Variants in DPYD observed in about 807,000 individuals in gnomAD.
The protein encoded by DPYD is dihydropyrimidine dehydrogenase [NADP(+)].
Under a neutral mutation model 116.2 loss-of-function variants are expected in DPYD, and 109 were observed. The observed-to-expected ratio is 0.94, with a 90% CI of 0.80 to 1.10. The LOEUF is 1.10. Ranked by LOEUF, DPYD falls within the 50% of genes least tolerant of loss-of-function variation. The pLI is 0.00. For missense variants in DPYD, 1,302 were observed against 1,254.5 expected (o/e 1.04, Z -0.57); for synonymous variants, 440 against 432.0 (o/e 1.02, Z -0.23).
At chr1:97,806,946 A>G (rs1668104534) in intron 3 of DPYD, among the ~76,000 whole-genome samples, 1 of 151,956 alleles carries the variant, frequency 6.6e-6, no homozygotes, top group African/African-American at 2.4e-5. Flanking sequence ...TCTTTCATTT[A>G]GTAATAAGCA....
At chr1:97,080,482 T>C (rs1048790694) in intron 22 of DPYD, among the ~76,000 whole-genome samples, 7 of 152,122 alleles carry the variant, frequency 4.6e-5, no homozygotes, top group African/African-American at 1.7e-4. Flanking sequence ...TAAATCATGA[T>C]AGTTGCTTAA....
At chr1:97,294,557 C>T (rs764231943) in intron 18 of DPYD, among the ~76,000 whole-genome samples, 15 of 151,976 alleles carry the variant, frequency 9.9e-5, no homozygotes, top group Non-Finnish European at 1.6e-4. Context: ...TGAATCTGTT[C>T]GAAAAGAAGG....
intron 13 of DPYD, among the ~76,000 whole-genome samples, chr1:97,452,400 A>C (rs1676466842): frequency 6.6e-6 from 1 of 152,294 alleles, no homozygotes; most frequent in African/African-American, 2.4e-5. Flanking sequence ...AAAATAAAGT[A>C]CTGTATCTTC....
intron 16 of DPYD, among the ~76,000 whole-genome samples, chr1:97,370,562 T>G (rs2101496018): frequency 6.6e-6 from 1 of 152,330 alleles, no homozygotes; most frequent in South Asian, 2.1e-4. Context: ...TCAGCTCATG[T>G]ATCCCAGAAC....
At chr1:97,319,369 A>C (rs1668087566) in intron 16 of DPYD, among the ~76,000 whole-genome samples, 1 of 141,642 alleles carries the variant, frequency 7.1e-6, no homozygotes, top group African/African-American at 2.6e-5. Flanking sequence ...AGAAGAATCA[A>C]ATAGACACAA....
intron 14 of DPYD, among the ~76,000 whole-genome samples, chr1:97,423,135 T>C (rs1288172171): frequency 6.6e-6 from 1 of 151,910 alleles, no homozygotes; most frequent in East Asian, 1.9e-4. Context: ...AGTAGCCACA[T>C]AAAAATGTTG....
chr1:97,529,708 C>A (rs1381081205), intron 12 of DPYD, among the ~76,000 whole-genome samples: 2 of 144,884 alleles, frequency 1.4e-5, no homozygotes, highest in Non-Finnish European at 3.1e-5. Flanking sequence ...TTTCTTTTTT[C>A]TTTCTTCCTT....
At chr1:97,735,566 T>C (rs539906645) in intron 4 of DPYD, among the ~76,000 whole-genome samples, 7 of 149,588 alleles carry the variant, frequency 4.7e-5, no homozygotes, top group Admixed American at 4.0e-4. Context: ...CGGGTGCCTG[T>C]AGTCCCAGGT....
intron 5 of DPYD, among the ~76,000 whole-genome samples, chr1:97,702,104 C>A (rs1661631354): frequency 1.3e-5 from 2 of 151,318 alleles, no homozygotes; most frequent in African/African-American, 4.8e-5. Flanking sequence ...TCTTTTATTC[C>A]TTTCTAAGCA....
At position 97,555,082 on chromosome 1, in the gene DPYD, G is replaced by A. The variant is rs536276102; in HGVS notation, c.1340-5338C>T. ...CCTTGAATGAAAGTATGGTCTCCAC[G>A]GTCACCAAATTCTGTGACCTTAGTC... is the stretch of plus-strand genomic sequence containing the variant. On this transcript the variant is annotated intron_variant, in intron 11 of 22. Coordinates refer to ENST00000370192, the MANE Select transcript of DPYD (RefSeq NM_000110.4). 3.5e-3 allele frequency among the ~76,000 whole-genome samples: 527 copies of A among 152,080 alleles called. 2 individuals are homozygous for A. The highest frequency in any genetic ancestry group is 3.7e-3 in the African/African-American group (154 of 41,490).
intron 1 of DPYD, among the ~76,000 whole-genome samples, chr1:97,907,047 A>C (rs1673665936): frequency 6.6e-6 from 1 of 152,108 alleles, no homozygotes; most frequent in Non-Finnish European, 1.5e-5. Flanking sequence ...ACTAGCAGGC[A>C]GGGAGCTTAG....
chr1:97,507,366 C>G (rs1230862160), intron 13 of DPYD, among the ~76,000 whole-genome samples: 1 of 151,752 alleles, frequency 6.6e-6, no homozygotes. Context: ...CAATACTATG[C>G]AATAAATAGA....
intron 14 of DPYD, among the ~76,000 whole-genome samples, chr1:97,383,215 G>A (rs187211657): frequency 7.2e-5 from 11 of 152,156 alleles, no homozygotes; most frequent in Non-Finnish European, 1.5e-5. Flanking sequence ...GGTGGCTCAC[G>A]CTTGTAATCC....
intron 14 of DPYD, among the ~76,000 whole-genome samples, chr1:97,445,827 G>T (rs575251690): frequency 6.6e-6 from 1 of 150,802 alleles, no homozygotes; most frequent in Non-Finnish European, 1.5e-5. Context: ...CTGGGTTCAA[G>T]CAGTTCTCCT....
At chr1:97,584,688 C>T (rs1432912839) in intron 10 of DPYD, among the ~76,000 whole-genome samples, 5 of 150,810 alleles carry the variant, frequency 3.3e-5, no homozygotes, top group Non-Finnish European at 7.4e-5. Context: ...TCTCAGCAAA[C>T]TACCGCAACG....
chr1:97,815,825 G>A (rs1668576248), intron 3 of DPYD, among the ~76,000 whole-genome samples: 2 of 152,126 alleles, frequency 1.3e-5, no homozygotes, highest in Non-Finnish European at 2.9e-5. Flanking sequence ...CGTTTCAGGA[G>A]AGAGAGAGTA....
chr1:97,890,197 A>G (rs1194134114), intron 1 of DPYD, among the ~76,000 whole-genome samples: 2 of 151,986 alleles, frequency 1.3e-5, no homozygotes, highest in Non-Finnish European at 2.9e-5. Flanking sequence ...ATATTGGCAC[A>G]ACTCTGAATA....
In DPYD at chr1:97,124,787, C is replaced by A. The variant is rs1017744148; in HGVS notation, c.2623-26155G>T. Among the ~76,000 whole-genome samples the A allele has an allele frequency of 6.4e-4, 98 of 152,256 alleles. 2 individuals are homozygous for A. The highest frequency in any genetic ancestry group is 2.4e-4 in the Non-Finnish European group (16 of 68,004). The stretch of plus-strand genomic sequence containing the variant: ...CCACACAGTGAATAGTTTATCTGAT[C>A]TCCTCATAGTGATTTTCTGGATTAC... On this transcript the variant is annotated intron_variant, in intron 20 of 22. Coordinates refer to ENST00000370192, the MANE Select transcript of DPYD (RefSeq NM_000110.4).
chr1:97,557,159 G>T (rs1651792714), intron 11 of DPYD, among the ~76,000 whole-genome samples: 1 of 151,720 alleles, frequency 6.6e-6, no homozygotes, highest in Admixed American at 6.6e-5. Context: ...GTCTTCTTTT[G>T]AGAAGTGTCT....
Sources: gnomAD v4.1 joint callset for allele counts (sites outside exome capture counted in the v4.1 genomes callset) on GRCh38, gnomAD v4.1.1 for gene constraint, MANE v1.5 for transcripts, NCBI Gene and HGNC (gene_info 2026-07-23, HGNC 2026-07-21) for gene names.